The following KCNQ5 variants were observed in gnomAD, a reference collection of about 807,000 sequenced individuals.
The protein encoded by KCNQ5 is potassium voltage-gated channel subfamily Q member 5, also known as potassium voltage-gated channel subfamily KQT member 5.
In KCNQ5, 30 loss-of-function variants were observed where a neutral mutation model predicts 98.2. The ratio of observed to expected loss-of-function variants is 0.31; its 90% confidence interval spans 0.23 to 0.41. KCNQ5 has a LOEUF of 0.41. Among genes scored for constraint, KCNQ5 ranks in the 10% least tolerant of loss-of-function variants. The pLI, the probability that KCNQ5 is intolerant of heterozygous loss-of-function variation, is 1.00. For synonymous variants in KCNQ5, 458 were observed against 449.4 expected (o/e 1.02, Z -0.24); for missense variants, 835 against 1,182.5 (o/e 0.71, Z 4.31).
intron 10 of KCNQ5, among the ~76,000 whole-genome samples, chr6:73,145,898 C>G (rs146727468): frequency 1.3e-5 from 2 of 152,100 alleles, no homozygotes; most frequent in African/African-American, 4.8e-5. Context: ...GGGAAGGAAG[C>G]GTGTCTTTAC....
chr6:72,746,819 T>A (rs933677809), intron 1 of KCNQ5, among the ~76,000 whole-genome samples: 1 of 152,176 alleles, frequency 6.6e-6, no homozygotes, highest in Non-Finnish European at 1.5e-5. Flanking sequence ...CATCCTTTTA[T>A]GTTATGCTAC....
In KCNQ5 at chr6:73,003,996, C is replaced by A; in HGVS notation, c.487C>A (p.Leu163Met). The part of the protein sequence containing the change: ...TKLASSCLLI[L>M]EFVMIVVFGL... ...ATTGGCCTCAAGTTGCCTCTTGATC[C>A]TGGTAAGTGAAACATGAACAAGAAC... The change falls in exon 2 of 14, where the codon CTG becomes ATG. Residue 163 changes from leucine to methionine, a missense_variant and splice_region_variant. Leu to Met is a conservative substitution (Grantham distance 15, BLOSUM62 2). Coordinates refer to ENST00000370398, the MANE Select transcript of KCNQ5 (RefSeq NM_019842.4). The A allele has an allele frequency of 1.3e-6, 2 of 1,576,000 alleles. No homozygotes were observed.
intron 1 of KCNQ5, among the ~76,000 whole-genome samples, chr6:72,707,881 T>C (rs1356328804): frequency 6.6e-6 from 1 of 152,176 alleles, no homozygotes; most frequent in South Asian, 2.1e-4. Context: ...ACTGGCTAAT[T>C]TTTTTATTTT....
At chr6:72,929,702 A>G (rs9351957) in intron 1 of KCNQ5, among the ~76,000 whole-genome samples, 151,998 of 152,248 alleles carry the variant, frequency 1, 75,875 homozygotes, top group Non-Finnish European at 1. Flanking sequence ...ATTGGATAGA[A>G]GAAAATGGTC....
At chr6:72,795,791 T>C (rs1561988847) in intron 1 of KCNQ5, among the ~76,000 whole-genome samples, 1 of 152,224 alleles carries the variant, frequency 6.6e-6, no homozygotes, top group Non-Finnish European at 1.5e-5. Context: ...CCATCCCAGC[T>C]ATGTTATCAC....
At chr6:72,947,802 G>C (rs905634461) in intron 1 of KCNQ5, among the ~76,000 whole-genome samples, 5 of 152,076 alleles carry the variant, frequency 3.3e-5, no homozygotes, top group African/African-American at 9.7e-5. Flanking sequence ...CAGCCAAAGA[G>C]GACATATCTA....
At chr6:72,721,798 G>A (rs1298273208) in intron 1 of KCNQ5, among the ~76,000 whole-genome samples, 1 of 152,014 alleles carries the variant, frequency 6.6e-6, no homozygotes, top group Admixed American at 6.5e-5. Context: ...GTCTTCAATT[G>A]GCCAAGGAGG....
intron 1 of KCNQ5, among the ~76,000 whole-genome samples, chr6:72,649,191 C>T (rs1206465338): frequency 6.6e-6 from 1 of 152,108 alleles, no homozygotes; most frequent in East Asian, 1.9e-4. Context: ...TCAGGAGTCC[C>T]TGGCCAATAC....
intron 11 of KCNQ5, among the ~76,000 whole-genome samples, chr6:73,186,741 G>T (rs752518149): frequency 2.0e-5 from 3 of 152,132 alleles, no homozygotes; most frequent in African/African-American, 7.2e-5. Context: ...GTACTTGATT[G>T]TAAGTCTATG....
intron 1 of KCNQ5, among the ~76,000 whole-genome samples, chr6:72,700,675 C>T (rs928935609): frequency 2.0e-5 from 3 of 152,146 alleles, no homozygotes; most frequent in Admixed American, 6.5e-5. Context: ...CCATTCACTC[C>T]GCCATGATCT....
intron 1 of KCNQ5, among the ~76,000 whole-genome samples, chr6:72,936,721 A>G (rs1765936074): frequency 6.6e-6 from 1 of 152,242 alleles, no homozygotes; most frequent in Non-Finnish European, 1.5e-5. Flanking sequence ...TAATTAATCT[A>G]CTTAACTCAT....
intron 1 of KCNQ5, among the ~76,000 whole-genome samples, chr6:72,796,642 C>A (rs1203032684): frequency 6.6e-6 from 1 of 152,210 alleles, no homozygotes; most frequent in Admixed American, 6.6e-5. Flanking sequence ...ACATAGCATG[C>A]TATCCAGTGC....
intron 5 of KCNQ5, among the ~76,000 whole-genome samples, chr6:73,102,959 C>T (rs1432836763): frequency 6.6e-6 from 1 of 152,106 alleles, no homozygotes; most frequent in Non-Finnish European, 1.5e-5. Context: ...TAGGTATATT[C>T]CCAAAAGAAA....
intron 1 of KCNQ5, among the ~76,000 whole-genome samples, chr6:72,630,200 AAG>A (rs1378486816): frequency 1.3e-5 from 2 of 152,200 alleles, no homozygotes; most frequent in Non-Finnish European, 2.9e-5. Flanking sequence ...TAGAAATAAA[AAG>A]AACATTAAAT....
chr6:72,833,084 G>T (rs548583348), intron 1 of KCNQ5, among the ~76,000 whole-genome samples: 2 of 152,266 alleles, frequency 1.3e-5, no homozygotes, highest in South Asian at 4.1e-4. Context: ...CTTAAGGGAT[G>T]TCTAGTTGAT....
At chr6:72,790,646 A>T (rs1201503263) in intron 1 of KCNQ5, among the ~76,000 whole-genome samples, 1 of 152,158 alleles carries the variant, frequency 6.6e-6, no homozygotes, top group African/African-American at 2.4e-5. Context: ...TTGTACATTT[A>T]AAAATAACTA....
intron 1 of KCNQ5, among the ~76,000 whole-genome samples, chr6:72,856,724 A>T (rs1777548304): frequency 1.3e-5 from 2 of 152,344 alleles, no homozygotes; most frequent in African/African-American, 4.8e-5. Context: ...CTAATGACAA[A>T]GAAATATTTG....
At chr6:73,030,905 T>C (rs1165806732) in intron 2 of KCNQ5, among the ~76,000 whole-genome samples, 2 of 152,188 alleles carry the variant, frequency 1.3e-5, no homozygotes, top group African/African-American at 4.8e-5. Flanking sequence ...AGCTCAACAG[T>C]TGAGCTTTTC....
chr6:72,820,321 G>A (rs1461362173), intron 1 of KCNQ5, among the ~76,000 whole-genome samples: 1 of 152,106 alleles, frequency 6.6e-6, no homozygotes, highest in East Asian at 1.9e-4. Context: ...CAACTGGTGA[G>A]ACTATGAACT....
Sources: gnomAD v4.1 joint callset for allele counts (sites outside exome capture counted in the v4.1 genomes callset) on GRCh38, gnomAD v4.1.1 for gene constraint, MANE v1.5 for transcripts, NCBI Gene and HGNC (gene_info 2026-07-23, HGNC 2026-07-21) for gene names.